Variants in SMARCC1 observed in about 807,000 individuals in gnomAD.
SMARCC1 encodes SWI/SNF related BAF chromatin remodeling complex subunit C1.
SMARCC1 carries 43 observed loss-of-function variants against 147.4 expected under a neutral mutation model. The observed-to-expected ratio is 0.29, with a 90% CI of 0.23 to 0.38. The LOEUF (loss-of-function observed/expected upper bound fraction) is 0.38. Among genes scored for constraint, SMARCC1 ranks in the 10% least tolerant of loss-of-function variants. The pLI, the probability that SMARCC1 is intolerant of heterozygous loss-of-function variation, is 1.00. For synonymous variants in SMARCC1, 495 were observed against 484.4 expected, an observed-to-expected ratio of 1.02 and a Z score of -0.29; for missense variants, 1,119 against 1,381.1, an observed-to-expected ratio of 0.81 and a Z score of 3.01.
intron 11 of SMARCC1, among the ~76,000 whole-genome samples, chr3:47,700,515 T>C (rs1209030652): frequency 6.6e-6 from 1 of 152,112 alleles, no homozygotes; most frequent in Non-Finnish European, 1.5e-5. Flanking sequence ...TGGGTTGTTT[T>C]TTGTTTTTTG....
intron 2 of SMARCC1, among the ~76,000 whole-genome samples, chr3:47,769,824 T>G (rs1269791953): frequency 2.0e-5 from 3 of 152,182 alleles, no homozygotes; most frequent in Non-Finnish European, 4.4e-5. Flanking sequence ...TTAAATAAAC[T>G]TTTCTGGAAT....
chr3:47,662,520 T>C lies in SMARCC1; in HGVS notation c.1972A>G (p.Ile658Val). ...ATGGGAAGTCTCAAAAAGTGGAGGATGCATTCATCCTGAGTACGACTTCCA... is the reference window on the plus strand; with the variant it reads ...ATGGGAAGTCTCAAAAAGTGGAGGACGCATTCATCCTGAGTACGACTTCCA... ...HVGSRTQDEC[I>V]LHFLRLPIED... Residue 658 changes from isoleucine to valine, a missense_variant, in exon 20 of 28, where the codon ATC becomes GTC. By Grantham distance (29) the Ile-to-Val change is conservative. This residue lies in a region of SMARCC1 where 178 missense variants were observed against 264.6 expected (regional missense o/e 0.67). Transcript: ENST00000254480. 3.1e-6 allele frequency: 5 copies of C among 1,613,750 alleles called. No homozygotes were observed. The highest frequency in any genetic ancestry group is 4.2e-6 in the Non-Finnish European group (5 of 1,179,648).
intron 24 of SMARCC1, among the ~76,000 whole-genome samples, chr3:47,626,970 C>A (rs1428762630): frequency 6.6e-6 from 1 of 152,124 alleles, no homozygotes; most frequent in Non-Finnish European, 1.5e-5. Flanking sequence ...ATAAACCTAC[C>A]TATGAAGTTA....
intron 6 of SMARCC1, among the ~76,000 whole-genome samples, chr3:47,726,628 C>G (rs2034303398): frequency 6.6e-6 from 1 of 152,170 alleles, no homozygotes; most frequent in African/African-American, 2.4e-5. Context: ...ACAGCAACTC[C>G]CTGATGGAGC....
At chr3:47,641,935 C>A (rs2033053099) in intron 21 of SMARCC1, among the ~76,000 whole-genome samples, 1 of 152,088 alleles carries the variant, frequency 6.6e-6, no homozygotes, top group Non-Finnish European at 1.5e-5. Flanking sequence ...CTGTGTCTGG[C>A]TAATTTTGTT....
At chr3:47,667,028 GAA>G (rs2033428461) in intron 19 of SMARCC1, among the ~76,000 whole-genome samples, 1 of 152,130 alleles carries the variant, frequency 6.6e-6, no homozygotes, top group African/African-American at 2.4e-5. Flanking sequence ...AAAAATGAGA[GAA>G]ACTCGGGCCA....
chr3:47,658,242 G>C (rs181131205), intron 21 of SMARCC1, among the ~76,000 whole-genome samples: 6 of 152,250 alleles, frequency 3.9e-5, no homozygotes, highest in Admixed American at 3.9e-4. Flanking sequence ...ATAGCTTTGA[G>C]ATATAATTCA....
intron 3 of SMARCC1, among the ~76,000 whole-genome samples, chr3:47,743,038 G>A (rs1316861068): frequency 6.6e-6 from 1 of 152,154 alleles, no homozygotes; most frequent in Non-Finnish European, 1.5e-5. Context: ...GAACCACAAT[G>A]AAATAAGAAG....
rs1243662536 is a variant in SMARCC1 at position 47,587,471 on chromosome 3, G to C, written c.*738C>G. 6.6e-6 allele frequency: 1 copy of C among 152,378 alleles called. No individual in the cohort carries two copies. The highest frequency in any genetic ancestry group is 2.4e-5 in the African/African-American group (1 of 41,416). The allele number at this position is 152,378 out of a possible 1,614,324, so 9.4% of individuals were successfully genotyped here. ...CTGCATAGAAAACCAGAGCCAGCAG[G>C]CCTAGGGAAGGAGCGGATGTTTGTG... On this transcript the variant is annotated 3_prime_UTR_variant, in exon 28 of 28. Coordinates refer to ENST00000254480, the MANE Select transcript of SMARCC1 (RefSeq NM_003074.4).
chr3:47,613,603 G>A (rs898762256), intron 25 of SMARCC1, among the ~76,000 whole-genome samples: 3 of 151,876 alleles, frequency 2.0e-5, no homozygotes, highest in Admixed American at 1.3e-4. Flanking sequence ...CAGGTGATCC[G>A]CCCGCCTCAG....
chr3:47,750,210 CG>C (rs571935471), intron 2 of SMARCC1, among the ~76,000 whole-genome samples: 242 of 152,120 alleles, frequency 1.6e-3, no homozygotes, highest in Middle Eastern at 3.4e-3. Flanking sequence ...CCAAGGTGGA[CG>C]GATCACAAGG....
At chr3:47,746,293 T>G (rs971590957) in intron 2 of SMARCC1, 4 of 209,084 alleles carry the variant, frequency 1.9e-5, no homozygotes, top group Non-Finnish European at 3.8e-5. Flanking sequence ...TAGAAAAAAA[T>G]TTAAAAATTA....
intron 7 of SMARCC1, among the ~76,000 whole-genome samples, chr3:47,716,431 A>AC (rs1471620836): frequency 6.6e-6 from 1 of 151,292 alleles, no homozygotes; most frequent in Non-Finnish European, 1.5e-5. Flanking sequence ...AAAAAAAAAA[A>AC]AAAAAAAACC....
intron 2 of SMARCC1, among the ~76,000 whole-genome samples, chr3:47,759,955 G>GA (rs2034755070): frequency 6.6e-6 from 1 of 151,438 alleles, no homozygotes; most frequent in Non-Finnish European, 1.5e-5. Context: ...AAAAGAAAAA[G>GA]AAAAAATGTA....
At chr3:47,705,397 T>A (rs1576417145) in intron 10 of SMARCC1, among the ~76,000 whole-genome samples, 1 of 151,860 alleles carries the variant, frequency 6.6e-6, no homozygotes, top group South Asian at 2.1e-4. Flanking sequence ...TCTATTTTTA[T>A]AATTTCAATT....
At chr3:47,674,058 A>G (rs2033538757) in intron 18 of SMARCC1, among the ~76,000 whole-genome samples, 1 of 152,234 alleles carries the variant, frequency 6.6e-6, no homozygotes, top group Non-Finnish European at 1.5e-5. Context: ...ATTATAGTTT[A>G]CCCTGAATCA....
chr3:47,672,346 C>T (rs1173246342), intron 18 of SMARCC1, among the ~76,000 whole-genome samples: 1 of 152,112 alleles, frequency 6.6e-6, no homozygotes, highest in African/African-American at 2.4e-5. Context: ...GCTGGGACTA[C>T]AGGCGCCCGC....
chr3:47,739,579 C>T (rs1196079050), intron 3 of SMARCC1, among the ~76,000 whole-genome samples: 2 of 152,172 alleles, frequency 1.3e-5, no homozygotes. Context: ...AACAATCCTC[C>T]CACCTCAGCC....
At chr3:47,659,956 T>G (rs1229715352) in intron 21 of SMARCC1, among the ~76,000 whole-genome samples, 2 of 152,102 alleles carry the variant, frequency 1.3e-5, no homozygotes, top group Non-Finnish European at 2.9e-5. Flanking sequence ...TGTTATACAT[T>G]ACGGGTAAGA....
Sources: allele counts gnomAD v4.1 joint callset (sites outside exome capture counted in the v4.1 genomes callset), GRCh38; gene constraint gnomAD v4.1.1; regional missense constraint gnomAD v4.1.1; transcripts MANE v1.5; gene names NCBI Gene and HGNC (gene_info 2026-07-23, HGNC 2026-07-21).